TBC1D22A: variants seen among roughly 807,000 people sequenced by gnomAD.
The protein encoded by TBC1D22A is TBC1 domain family member 22A.
In TBC1D22A, 38 loss-of-function variants were observed where a neutral mutation model predicts 60.2. That is an observed-to-expected ratio of 0.63 (90% CI 0.49 to 0.83). The LOEUF (loss-of-function observed/expected upper bound fraction) is 0.83. Ranked by LOEUF, TBC1D22A falls within the 40% of genes least tolerant of loss-of-function variation. The pLI is 0.00. For synonymous variants in TBC1D22A, 302 were observed against 281.7 expected (o/e 1.07, Z -0.72); for missense variants, 628 against 701.0 (o/e 0.90, Z 1.18).
chr22:47,008,325 C>A (rs1168180830), intron 10 of TBC1D22A, among the ~76,000 whole-genome samples: 1 of 152,204 alleles, frequency 6.6e-6, no homozygotes, highest in Non-Finnish European at 1.5e-5. Context: ...CTTTTCTCAG[C>A]CCTCTCCATT....
chr22:47,173,789 G>A lies in TBC1D22A; in HGVS notation c.*163G>A, dbSNP rs939053611. 14 of 1,126,580 alleles carry A rather than the reference G, an allele frequency of 1.2e-5. No individual in the cohort carries two copies. Among genetic ancestry groups the A allele is most frequent in the Admixed American group, 2.5e-5 (1 of 39,714 alleles). 69.8% of individuals were successfully genotyped at this position (1,126,580 alleles called of 1,614,324 possible). ...GAAGATGGGCCACAGACCTGGTCTAGGGCTGACAAAGACAGGGACAGCCTT... is the reference window on the plus strand; with the variant it reads ...GAAGATGGGCCACAGACCTGGTCTAAGGCTGACAAAGACAGGGACAGCCTT... On this transcript the variant is annotated 3_prime_UTR_variant, in exon 13 of 13. Coordinates refer to ENST00000337137, the MANE Select transcript of TBC1D22A (RefSeq NM_014346.5).
chr22:47,091,595 G>A (rs903252642), intron 11 of TBC1D22A, among the ~76,000 whole-genome samples: 1 of 151,378 alleles, frequency 6.6e-6, no homozygotes, highest in Admixed American at 6.6e-5. Flanking sequence ...AGACAGGCAC[G>A]ATAAGTCGTC....
intron 4 of TBC1D22A, among the ~76,000 whole-genome samples, chr22:46,854,400 C>T (rs1001340788): frequency 6.6e-6 from 1 of 152,198 alleles, no homozygotes; most frequent in African/African-American, 2.4e-5. Context: ...CCCTGCTCCT[C>T]CTCCACTGAA....
intron 8 of TBC1D22A, among the ~76,000 whole-genome samples, chr22:46,916,808 C>T (rs573746153): frequency 3.3e-5 from 5 of 152,284 alleles, no homozygotes; most frequent in African/African-American, 9.6e-5. Flanking sequence ...ACAGCCAGTT[C>T]GACATCACCG....
intron 4 of TBC1D22A, among the ~76,000 whole-genome samples, chr22:46,798,503 T>C (rs768852716): frequency 5.3e-5 from 8 of 152,262 alleles, no homozygotes; most frequent in Admixed American, 4.6e-4. Context: ...GCAGTGCCCA[T>C]GTGGACTGCC....
At chr22:46,986,963 G>A (rs1229618544) in intron 9 of TBC1D22A, among the ~76,000 whole-genome samples, 1 of 152,152 alleles carries the variant, frequency 6.6e-6, no homozygotes, top group Non-Finnish European at 1.5e-5. Context: ...CTGGGCCTAC[G>A]TGACTCTAAG....
At chr22:46,893,583 G>C (rs6009025) in intron 6 of TBC1D22A, among the ~76,000 whole-genome samples, 2,105 of 152,344 alleles carry the variant, frequency 0.014, 65 homozygotes, top group African/African-American at 0.048. Flanking sequence ...AGCTTATGCT[G>C]CTCATGCTGG....
chr22:47,031,590 T>C (rs131951), intron 10 of TBC1D22A, among the ~76,000 whole-genome samples: 64,034 of 152,110 alleles, frequency 0.42, 15,606 homozygotes, highest in African/African-American at 0.68. Flanking sequence ...TGCCCAGAGA[T>C]GCAAGGGTGG....
rs553405723 is a variant in TBC1D22A at position 47,158,197 on chromosome 22, G to A, written c.1426-15301G>A. Reference sequence around the variant, plus strand: ...CTGGGGTCCAGTATGGCCTCGACCAGCACTCAGCGTTTGCATGCTTCTGCA... The same window carrying A: ...CTGGGGTCCAGTATGGCCTCGACCAACACTCAGCGTTTGCATGCTTCTGCA... On this transcript the variant is annotated intron_variant, in intron 12 of 12. Transcript: ENST00000337137. Among the ~76,000 whole-genome samples the A allele has an allele frequency of 6.9e-4, 105 of 152,310 alleles. No homozygotes were observed. In the Middle Eastern group the frequency reaches 0.014, roughly 20 times the overall value.
intron 4 of TBC1D22A, among the ~76,000 whole-genome samples, chr22:46,833,818 A>C (rs1040398767): frequency 2.6e-5 from 4 of 152,222 alleles, no homozygotes; most frequent in African/African-American, 9.6e-5. Flanking sequence ...CTGCAACTGC[A>C]TGCCAGCCTA....
rs141713070 is a variant in TBC1D22A, at chr22:46,793,850, G to C, written c.460+9G>C. On this transcript the variant is annotated intron_variant, in intron 3 of 12. Coordinates refer to ENST00000337137, the MANE Select transcript of TBC1D22A (RefSeq NM_014346.5). ...CACGTCCTGTCCTGCAGGTACGATG[G>C]GAGGACTGAAGAGATGGTCTGGGTT... is the stretch of plus-strand genomic sequence containing the variant. 1,062 of 1,546,540 alleles carry C rather than the reference G, an allele frequency of 6.9e-4. 18 individuals are homozygous for C. In the East Asian group the frequency reaches 0.022, roughly 32 times the overall value.
intron 7 of TBC1D22A, among the ~76,000 whole-genome samples, chr22:46,900,678 T>C (rs4823889): frequency 0.72 from 108,797 of 152,008 alleles, 38,989 homozygotes; most frequent in Middle Eastern, 0.8. Context: ...TTTTACTTAG[T>C]GTAGTGGTTT....
intron 10 of TBC1D22A, among the ~76,000 whole-genome samples, chr22:47,005,140 C>T (rs1258523234): frequency 6.6e-6 from 1 of 151,762 alleles, no homozygotes; most frequent in Admixed American, 6.6e-5. Flanking sequence ...TGTCTATACA[C>T]AAACACATGC....
Position 46,974,244 on chromosome 22 carries a change from C to T in TBC1D22A, c.1016-46C>T, listed in dbSNP as rs745606663. On this transcript the variant is annotated intron_variant, in intron 8 of 12. Transcript: ENST00000337137. ...TGGGCCCCCTCGTGGGTCGAGGTCC[C>T]GTGTGGCTAAGTCTCCTTGTCTTTT... 3.9e-5 allele frequency: 60 copies of T among 1,523,514 alleles called. No homozygotes were observed. The African/African-American group carries it at 4.0e-4, about 10-fold the overall frequency. 94.4% of individuals were successfully genotyped at this position (1,523,514 alleles called of 1,614,324 possible).
chr22:46,994,883 G>A (rs949566393), intron 9 of TBC1D22A, among the ~76,000 whole-genome samples: 1 of 152,190 alleles, frequency 6.6e-6, no homozygotes, highest in African/African-American at 2.4e-5. Context: ...ACCATTGCAA[G>A]TTCAGGACCA....
chr22:47,103,914 T>C (rs1171963402), intron 11 of TBC1D22A, among the ~76,000 whole-genome samples: 1 of 152,178 alleles, frequency 6.6e-6, no homozygotes, highest in East Asian at 1.9e-4. Context: ...TAACATTATA[T>C]GACAAAGAAG....
At chr22:47,003,869 AC>A in intron 10 of TBC1D22A, among the ~76,000 whole-genome samples, 1 of 109,368 alleles carries the variant, frequency 9.1e-6, no homozygotes, top group Non-Finnish European at 1.8e-5. Context: ...ACACACACCC[AC>A]CAGATACATA....
chr22:47,173,554 C>G lies in TBC1D22A; in HGVS notation c.1482C>G (p.Ile494Met). The change falls in exon 13 of 13, where the codon ATC becomes ATG. Residue 494 changes from isoleucine to methionine, a missense_variant. Coordinates refer to ENST00000337137, the MANE Select transcript of TBC1D22A (RefSeq NM_014346.5). The stretch of plus-strand genomic sequence containing the variant: ...CAGCCCACTGGGATGATGAGGACAT[C>G]AGCCTGTTGCTGGCCGAGGCCTACC... Reference protein sequence around the residue: ...LPTAHWDDEDISLLLAEAYRL... With the variant: ...LPTAHWDDEDMSLLLAEAYRL... 6.2e-7 allele frequency: 1 copy of G among 1,614,164 alleles called. No homozygotes were observed. The highest frequency in any genetic ancestry group is 8.5e-7 in the Non-Finnish European group (1 of 1,180,024).
At chr22:46,903,543 G>C (rs1379437220) in intron 7 of TBC1D22A, among the ~76,000 whole-genome samples, 1 of 152,192 alleles carries the variant, frequency 6.6e-6, no homozygotes, top group Admixed American at 6.5e-5. Flanking sequence ...TGCTCTGAGC[G>C]TGAGTCTAGA....
Sources: gnomAD v4.1 joint callset for allele counts (sites outside exome capture counted in the v4.1 genomes callset) on GRCh38, gnomAD v4.1.1 for gene constraint, MANE v1.5 for transcripts, NCBI Gene and HGNC (gene_info 2026-07-23, HGNC 2026-07-21) for gene names.